KATNAL2: variants seen among roughly 807,000 people sequenced by gnomAD.
KATNAL2 encodes katanin catalytic subunit A1 like 2.
KATNAL2 carries 52 observed loss-of-function variants against 76.3 expected under a neutral mutation model. The observed-to-expected ratio is 0.68, with a 90% confidence interval of 0.55 to 0.86. KATNAL2 has a LOEUF of 0.86. KATNAL2 is among the 40% of genes least tolerant of loss of function. The probability of loss-of-function intolerance (pLI) is 0.00; values close to 1 mark genes in which losing one functional copy is unlikely to be tolerated. For missense variants in KATNAL2, 660 were observed against 668.9 expected, an observed-to-expected ratio of 0.99 and a Z score of 0.15; for synonymous variants, 243 against 244.2, an observed-to-expected ratio of 1.00 and a Z score of 0.05.
rs1197204837 is a variant in KATNAL2, at chr18:47,052,304, T to A, written c.123-576T>A. On this transcript the variant is annotated intron_variant, in intron 4 of 17. Coordinates refer to ENST00000683218, the MANE Select transcript of KATNAL2 (RefSeq NM_001387690.1). ...CTCTGAAGTGCAATGTGTGACTGAT[T>A]AAAAAATTACCAGAAACAAATAATA... Among the ~76,000 whole-genome samples the A allele has an allele frequency of 2.0e-5, 3 of 152,344 alleles. No homozygotes were observed. The East Asian group carries it at 5.8e-4, about 29-fold the overall frequency.
chr18:46,956,492 T>A (rs1422220096), intron 3 of KATNAL2, among the ~76,000 whole-genome samples: 2 of 152,236 alleles, frequency 1.3e-5, no homozygotes, highest in East Asian at 3.8e-4. Flanking sequence ...AATTTGTCTT[T>A]TCTGACCAGC....
rs758382608 is a variant in KATNAL2, at chr18:47,099,329, AC to A, written c.1300del (p.His434ThrfsTer6). On this transcript the variant is annotated frameshift_variant, in exon 16 of 18. Coordinates refer to ENST00000683218, the MANE Select transcript of KATNAL2 (RefSeq NM_001387690.1). LOFTEE classifies it high-confidence loss of function. ...PSREARQAMI[Y>X]HWLPPVSKSR... is the part of the protein sequence containing the mutation. ...CGGGAGGCCAGGCAGGCCATGATCT[AC>A]CACTGGCTGCCTCCTGTGAGCAAGA... The A allele has an allele frequency of 6.2e-7, 1 of 1,614,130 alleles. No individual in the cohort carries two copies. Among genetic ancestry groups the A allele is most frequent in the Admixed American group, 1.7e-5 (1 of 60,024 alleles).
chr18:47,033,698 G>A (rs1469010609), intron 3 of KATNAL2: 1 of 1,614,192 alleles, frequency 6.2e-7, no homozygotes, highest in Admixed American at 1.7e-5. Flanking sequence ...ACCTGGAGCT[G>A]GCAGGCAGGC....
intron 3 of KATNAL2, among the ~76,000 whole-genome samples, chr18:47,043,833 AAT>A (rs2061057399): frequency 1.4e-5 from 2 of 145,722 alleles, no homozygotes; most frequent in Non-Finnish European, 1.5e-5. Flanking sequence ...AAAAAAAAAA[AAT>A]GTACAGAAAT....
At chr18:46,953,228 C>T (rs1374641510) in intron 3 of KATNAL2, among the ~76,000 whole-genome samples, 1 of 152,176 alleles carries the variant, frequency 6.6e-6, no homozygotes, top group Non-Finnish European at 1.5e-5. Flanking sequence ...TTTCTTCTAA[C>T]ATTTTCTCTG....
rs774602739 is a variant in KATNAL2, at chr18:47,033,230, CG to C, written c.52-13224del. 63 of 1,613,786 alleles carry C rather than the reference CG, an allele frequency of 3.9e-5. No individual in the cohort carries two copies. In the South Asian group the frequency reaches 6.8e-4, roughly 17 times the overall value. On this transcript the variant is annotated intron_variant, in intron 3 of 17. Coordinates refer to ENST00000683218, the MANE Select transcript of KATNAL2 (RefSeq NM_001387690.1). ...CTGGAGGGAGTGTGGCTGCTTCCCG[CG>C]GGCTTGGAGGCTGGCTTGATCTCCC...
chr18:46,952,393 G>GTTT (rs35596537), intron 3 of KATNAL2, among the ~76,000 whole-genome samples: 1,214 of 64,458 alleles, frequency 0.019, 59 homozygotes, highest in African/African-American at 0.023. Context: ...CTGCAGGTAT[G>GTTT]TTTTTTTTTT....
chr18:47,078,535 G>C (rs1321483244), intron 15 of KATNAL2, among the ~76,000 whole-genome samples: 1 of 152,064 alleles, frequency 6.6e-6, no homozygotes, highest in African/African-American at 2.4e-5. Context: ...ATGTGATTGT[G>C]GAAACTTTTA....
intron 13 of KATNAL2, 48 bp downstream of exon 13, chr18:47,069,648 A>G: frequency 1.6e-6 from 2 of 1,253,360 alleles, no homozygotes; most frequent in Non-Finnish European, 2.3e-6. Flanking sequence ...AGTGTAATAC[A>G]GTGGTACAAA....
At chr18:47,062,679 G>A (rs2061672011) in intron 8 of KATNAL2, among the ~76,000 whole-genome samples, 1 of 152,162 alleles carries the variant, frequency 6.6e-6, no homozygotes, top group East Asian at 1.9e-4. Flanking sequence ...CCATACAGGG[G>A]AAGTCAACAT....
intron 15 of KATNAL2, among the ~76,000 whole-genome samples, chr18:47,080,722 C>T (rs1194302765): frequency 6.6e-6 from 1 of 152,220 alleles, no homozygotes; most frequent in East Asian, 1.9e-4. Flanking sequence ...TTATATGTCT[C>T]TTTTATTGTA....
At position 47,090,246 on chromosome 18, in the gene KATNAL2, A is replaced by T. The variant is rs2147356426; in HGVS notation, c.1212-8997A>T. Among the ~76,000 whole-genome samples, 4 of 152,148 alleles carry T rather than the reference A, an allele frequency of 2.6e-5. No homozygotes were observed. The South Asian group carries it at 8.3e-4, about 32-fold the overall frequency. ...CTCAGCCTCCTGAGTAGCTGGGATT[A>T]CAGTTGCCCACCACCATGCCCAGCT... On this transcript the variant is annotated intron_variant, in intron 15 of 17. Transcript: ENST00000683218.
chr18:47,046,358 G>A, intron 3 of KATNAL2, 99 bp from the exon 4 acceptor site: 1 of 774,672 alleles, frequency 1.3e-6, no homozygotes, highest in Non-Finnish European at 2.2e-6. Flanking sequence ...AAGTCATGCT[G>A]CTTGGCTTTG....
chr18:47,040,880 G>C (rs990619383), intron 3 of KATNAL2, among the ~76,000 whole-genome samples: 5 of 152,140 alleles, frequency 3.3e-5, no homozygotes, highest in Non-Finnish European at 7.3e-5. Context: ...AATGCAGCTT[G>C]GGGGAAGACT....
intron 13 of KATNAL2, 87 bp downstream of exon 13, chr18:47,069,687 T>A: frequency 2.4e-6 from 2 of 823,108 alleles, no homozygotes; most frequent in Non-Finnish European, 3.9e-6. Context: ...TGCTTTTAGG[T>A]GATTTTATGT....
intron 1 of KATNAL2, among the ~76,000 whole-genome samples, chr18:46,938,310 G>A (rs2065059692): frequency 6.6e-6 from 1 of 152,072 alleles, no homozygotes; most frequent in South Asian, 2.1e-4. Context: ...ACATGTGAAT[G>A]GTGACTATCA....
At chr18:46,950,503 A>G (rs1380231561) in intron 3 of KATNAL2, among the ~76,000 whole-genome samples, 1 of 152,220 alleles carries the variant, frequency 6.6e-6, no homozygotes, top group African/African-American at 2.4e-5. Context: ...ATTTACAAAT[A>G]TATTTTCAGT....
intron 10 of KATNAL2, among the ~76,000 whole-genome samples, chr18:47,064,082 C>G (rs1287207215): frequency 1.3e-5 from 2 of 152,072 alleles, no homozygotes; most frequent in East Asian, 3.9e-4. Context: ...GCTAAGGGCT[C>G]CTGAGCTGTC....
chr18:46,956,877 T>C (rs900645576), intron 3 of KATNAL2, among the ~76,000 whole-genome samples: 3 of 151,992 alleles, frequency 2.0e-5, no homozygotes, highest in Non-Finnish European at 4.4e-5. Flanking sequence ...ACCCCATCTC[T>C]ACTACAAATA....
Sources: allele counts gnomAD v4.1 joint callset (sites outside exome capture counted in the v4.1 genomes callset), GRCh38; gene constraint gnomAD v4.1.1; transcripts MANE v1.5; gene names NCBI Gene and HGNC (gene_info 2026-07-23, HGNC 2026-07-21).